GAL3ST2: variants seen among roughly 807,000 people sequenced by gnomAD.
The protein encoded by GAL3ST2 is galactose-3-O-sulfotransferase 2.
Under a neutral mutation model 12.9 loss-of-function variants are expected in GAL3ST2, and 16 were observed. That is an observed-to-expected ratio of 1.24 (90% CI 0.84 to 1.88). The LOEUF (loss-of-function observed/expected upper bound fraction) is 1.88. Among genes scored for constraint, GAL3ST2 ranks in the 40% most tolerant of loss-of-function variants. GAL3ST2 has a pLI of 0.00. For synonymous variants in GAL3ST2, 302 were observed against 273.9 expected (o/e 1.10, Z -1.01); for missense variants, 639 against 571.8 (o/e 1.12, Z -1.20).
rs779060158 is a variant in GAL3ST2 at position 241,803,497 on chromosome 2, G to T, written c.528G>T (p.Thr176=). The change falls in exon 4 of 4, where the codon ACG becomes ACT. Residue 176 remains threonine (T), a synonymous_variant. Transcript: ENST00000192314. The part of the protein sequence containing the change: ...SLDAFLASPR[T]FYNDSRHLRN... The stretch of plus-strand genomic sequence containing the variant: ...ACGCGTTCCTGGCCTCGCCGCGGAC[G>T]TTCTACAACGACAGCCGCCACCTCA... 6.2e-7 allele frequency: 1 copy of T among 1,611,618 alleles called. No individual in the cohort carries two copies. The highest frequency in any genetic ancestry group is 8.5e-7 in the Non-Finnish European group (1 of 1,179,402).
Position 241,803,862 on chromosome 2 carries a change from TG to T in GAL3ST2, c.897del (p.Pro300ArgfsTer71). ...CTCTGGGCGCAGCTGCGCGCCGAGC[TG>T]GGGCCGCGGCGGCTGCGCGGGGAGG... ...RTLWAQLRAELGPRRLRGEVE... is the reference protein window; with the variant it reads ...RTLWAQLRAEXGPRRLRGEVE... On this transcript the variant is annotated frameshift_variant, in exon 4 of 4. Transcript: ENST00000192314. LOFTEE classifies it low-confidence loss of function (END_TRUNC). The T allele has an allele frequency of 7.0e-7, 1 of 1,437,054 alleles. No homozygotes were observed. The highest frequency in any genetic ancestry group is 9.1e-7 in the Non-Finnish European group (1 of 1,104,956). 89.0% of individuals were successfully genotyped at this position (1,437,054 alleles called of 1,614,324 possible).
In GAL3ST2 at chr2:241,793,330, G is replaced by A. The variant is rs1377956568; in HGVS notation, c.30-5735G>A. Among the ~76,000 whole-genome samples, 14 of 151,814 alleles carry A rather than the reference G, an allele frequency of 9.2e-5. No homozygotes were observed. ...GATGTGTGTGTCCGTGTGTGTGTATGTGTATGTATCTGTATGTATGTGTGT... is the reference window on the plus strand; with the variant it reads ...GATGTGTGTGTCCGTGTGTGTGTATATGTATGTATCTGTATGTATGTGTGT... On this transcript the variant is annotated intron_variant, in intron 1 of 3. Transcript: ENST00000192314. The surrounding 1 kb of genome is among the most constrained non-coding windows in gnomAD (Gnocchi z 4.7).
intron 1 of GAL3ST2, among the ~76,000 whole-genome samples, chr2:241,780,336 T>C (rs1325141142): frequency 6.6e-6 from 1 of 152,126 alleles, no homozygotes; most frequent in Admixed American, 6.5e-5. Context: ...CTGGCCAACA[T>C]GGTGAAACCC....
intron 1 of GAL3ST2, among the ~76,000 whole-genome samples, chr2:241,786,204 TC>T (rs1274775114): frequency 6.6e-6 from 1 of 150,980 alleles, no homozygotes; most frequent in Non-Finnish European, 1.5e-5. Flanking sequence ...GAGGTCTTGT[TC>T]CCAATAATTT....
rs1040647103 is a variant in GAL3ST2 at position 241,793,449 on chromosome 2, T to C, written c.30-5616T>C. Among the ~76,000 whole-genome samples the C allele has an allele frequency of 6.7e-6, 1 of 149,140 alleles. No homozygotes were observed. Among genetic ancestry groups the C allele is most frequent in the African/African-American group, 2.6e-5 (1 of 39,002 alleles). ...ATATTGTGTACGTGTATGTATGTACTGTGTATGCGTGTGTATGTGTATGCA... is the reference window on the plus strand; with the variant it reads ...ATATTGTGTACGTGTATGTATGTACCGTGTATGCGTGTGTATGTGTATGCA... On this transcript the variant is annotated intron_variant, in intron 1 of 3. Transcript: ENST00000192314. The surrounding 1 kb of genome is among the most constrained non-coding windows in gnomAD (Gnocchi z 4.7).
Position 241,804,255 on chromosome 2 carries a change from T to C in GAL3ST2, c.*89T>C. The C allele has an allele frequency of 2.6e-6, 3 of 1,175,810 alleles. No homozygotes were observed. The highest frequency in any genetic ancestry group is 2.2e-6 in the Non-Finnish European group (2 of 895,092). The allele number at this position is 1,175,810 out of a possible 1,614,324, so 72.8% of individuals were successfully genotyped here. On this transcript the variant is annotated 3_prime_UTR_variant, in exon 4 of 4. Coordinates refer to ENST00000192314, the MANE Select transcript of GAL3ST2 (RefSeq NM_022134.3). ...AGGCCGGGGATCCTTGCAGGGCTTC[T>C]GGGGCGTTGGGAAACCCAGGCCCGC...
intron 1 of GAL3ST2, among the ~76,000 whole-genome samples, chr2:241,785,468 G>A (rs924119570): frequency 2.7e-4 from 41 of 150,636 alleles, no homozygotes; most frequent in African/African-American, 9.3e-4. Flanking sequence ...CAGGAGACTC[G>A]CTTGAACCTG....
chr2:241,796,843 T>G (rs1699777420), intron 1 of GAL3ST2, among the ~76,000 whole-genome samples: 5 of 152,016 alleles, frequency 3.3e-5, no homozygotes, highest in Admixed American at 3.3e-4. Context: ...AGCTAGTGGC[T>G]GGGTGGGGCA....
Position 241,803,751 on chromosome 2 carries a change from T to G in GAL3ST2, c.782T>G (p.Val261Gly). The G allele has an allele frequency of 6.6e-7, 1 of 1,521,078 alleles. No individual in the cohort carries two copies. The highest frequency in any genetic ancestry group is 8.8e-7 in the Non-Finnish European group (1 of 1,138,204). 94.2% of individuals were successfully genotyped at this position (1,521,078 alleles called of 1,614,324 possible). Residue 261 changes from valine (V) to glycine (G), a missense_variant, in exon 4 of 4, where the codon GTG (valine) becomes GGG (glycine). Val to Gly is a moderately radical substitution (Grantham distance 109). Transcript: ENST00000192314. ...CTCAACTCCCGCAGCGCGCGCTCCG[T>G]GGCCCGCCTGTCGCCCGAGACCCGG... is the stretch of plus-strand genomic sequence containing the variant. ...FRLNSRSARS[V>G]ARLSPETRER...
At chr2:241,786,872 T>C (rs1011375772) in intron 1 of GAL3ST2, among the ~76,000 whole-genome samples, 3 of 152,054 alleles carry the variant, frequency 2.0e-5, no homozygotes, top group East Asian at 1.9e-4. Context: ...GGAAAATATC[T>C]TGGGCCCCTG....
chr2:241,780,064 C>A (rs1350625376), intron 1 of GAL3ST2, among the ~76,000 whole-genome samples: 2 of 150,942 alleles, frequency 1.3e-5, no homozygotes, highest in Non-Finnish European at 2.9e-5. Flanking sequence ...CTAGCTTATT[C>A]CAAATTAGGA....
intron 1 of GAL3ST2, among the ~76,000 whole-genome samples, chr2:241,796,528 T>C (rs73106170): frequency 0.083 from 12,656 of 152,100 alleles, 722 homozygotes; most frequent in Admixed American, 0.17. Flanking sequence ...GTCACCCCAT[T>C]TCTGTGGTGA....
chr2:241,787,276 C>G (rs1250046572), intron 1 of GAL3ST2, among the ~76,000 whole-genome samples: 1 of 152,170 alleles, frequency 6.6e-6, no homozygotes, highest in Non-Finnish European at 1.5e-5. Context: ...GGCTGGCAAA[C>G]AAATGCGCAT....
At chr2:241,798,637 C>T (rs887680592) in intron 1 of GAL3ST2, among the ~76,000 whole-genome samples, 4 of 152,114 alleles carry the variant, frequency 2.6e-5, no homozygotes, top group Non-Finnish European at 5.9e-5. Flanking sequence ...ATTTTGGGGG[C>T]GCACAGTCCA....
Position 241,803,409 on chromosome 2 carries a change from T to C in GAL3ST2, c.440T>C (p.Leu147Pro), listed in dbSNP as rs1243799204. 2 of 1,612,896 alleles carry C rather than the reference T, an allele frequency of 1.2e-6. No homozygotes were observed. The highest frequency in any genetic ancestry group is 4.5e-5 in the East Asian group (2 of 44,840). ...ATCCTGAGGAACCCCGTGTTCCAGC[T>C]GGAGTCCTCCTTCATCTACTACAAA... The part of the protein sequence containing the change: ...FSILRNPVFQ[L>P]ESSFIYYKTY... Residue 147 changes from leucine (L) to proline (P), a missense_variant, in exon 4 of 4, where the codon CTG (leucine) becomes CCG (proline). By Grantham distance (98) the Leu-to-Pro change is moderately conservative (BLOSUM62 -3). Transcript: ENST00000192314.
rs1035676826 is a variant in GAL3ST2, at chr2:241,801,786, T to C, written c.125T>C (p.Phe42Ser). ...HSDLELDTPL[F>S]GGQAEGPPVT... ...GCGTGTGCCTTCCCTCCCAGCCTGTTTGGGGGCCAGGCTGAGGGGCCGCCG... is the reference window on the plus strand; with the variant it reads ...GCGTGTGCCTTCCCTCCCAGCCTGTCTGGGGGCCAGGCTGAGGGGCCGCCG... Residue 42 changes from phenylalanine to serine, a missense_variant, in exon 3 of 4, where the codon TTT becomes TCT. By Grantham distance (155) the Phe-to-Ser change is radical. Transcript: ENST00000192314. The surrounding 1 kb of genome is among the most constrained non-coding windows in gnomAD (Gnocchi z 4.4). 6.2e-7 allele frequency: 1 copy of C among 1,612,230 alleles called. No individual in the cohort carries two copies. Among genetic ancestry groups the C allele is most frequent in the African/African-American group, 1.3e-5 (1 of 74,892 alleles).
At chr2:241,780,628 A>G (rs779521552) in intron 1 of GAL3ST2, among the ~76,000 whole-genome samples, 113 of 152,200 alleles carry the variant, frequency 7.4e-4, no homozygotes, top group Admixed American at 5.2e-4. Context: ...TGCTTGGCCT[A>G]ATTATTTGTA....
Position 241,803,666 on chromosome 2 carries a change from T to C in GAL3ST2, c.697T>C (p.Ser233Pro), listed in dbSNP as rs903888090. The change falls in exon 4 of 4, where the codon TCC (serine) becomes CCC (proline). Residue 233 changes from serine to proline, a missense_variant. Ser to Pro is a moderately conservative substitution (Grantham distance 74). Transcript: ENST00000192314. ...LVLIAEHLDE[S>P]LVLLRRRLRW... Reference sequence around the variant, plus strand: ...GCTCATCGCCGAGCACCTGGACGAGTCCCTGGTGCTGCTGCGGCGCCGGCT... The same window carrying C: ...GCTCATCGCCGAGCACCTGGACGAGCCCCTGGTGCTGCTGCGGCGCCGGCT... The C allele has an allele frequency of 6.5e-7, 1 of 1,547,842 alleles. No individual in the cohort carries two copies. The highest frequency in any genetic ancestry group is 2.0e-5 in the Admixed American group (1 of 50,872).
At chr2:241,787,837 T>C (rs917414511) in intron 1 of GAL3ST2, among the ~76,000 whole-genome samples, 7 of 151,974 alleles carry the variant, frequency 4.6e-5, no homozygotes, top group African/African-American at 9.7e-5. Flanking sequence ...TTGTTGTCGT[T>C]GTTTGTTCTT....
Sources: gnomAD v4.1 joint callset for allele counts (sites outside exome capture counted in the v4.1 genomes callset) on GRCh38, gnomAD v4.1.1 for gene constraint, Gnocchi (gnomAD v3.1) non-coding constraint, MANE v1.5 for transcripts, NCBI Gene and HGNC (gene_info 2026-07-23, HGNC 2026-07-21) for gene names.